PDCD4: variants seen among roughly 807,000 people sequenced by gnomAD.
PDCD4 encodes the protein programmed cell death 4, also known as programmed cell death protein 4.
In PDCD4, 56 loss-of-function variants were observed where a neutral mutation model predicts 54.0. The observed-to-expected ratio is 1.04, with a 90% CI of 0.84 to 1.30. The LOEUF (loss-of-function observed/expected upper bound fraction) is 1.30, where lower values mean the gene tolerates loss of function less well. Among genes scored for constraint, PDCD4 ranks in the 50% most tolerant of loss-of-function variants. The pLI is 0.00. For missense variants in PDCD4, 584 were observed against 559.8 expected, an observed-to-expected ratio of 1.04 and a Z score of -0.44; for synonymous variants, 186 against 194.8, an observed-to-expected ratio of 0.95 and a Z score of 0.37.
intron 5 of PDCD4, among the ~76,000 whole-genome samples, chr10:110,886,320 AAAAT>A (rs1845668930): frequency 6.6e-6 from 1 of 152,182 alleles, no homozygotes; most frequent in Non-Finnish European, 1.5e-5. Context: ...TGGAAAGCAT[AAAAT>A]AGAGAGTAAT....
chr10:110,884,230 C>T (rs933700245), intron 4 of PDCD4, among the ~76,000 whole-genome samples: 4 of 152,172 alleles, frequency 2.6e-5, no homozygotes, highest in African/African-American at 4.8e-5. Context: ...ATACACTACT[C>T]GTGCATTCGT....
chr10:110,876,322 C>T (rs1297641927), intron 2 of PDCD4, among the ~76,000 whole-genome samples: 4 of 152,096 alleles, frequency 2.6e-5, no homozygotes, highest in Admixed American at 1.3e-4. Context: ...TATCTTGAAG[C>T]TTGACTATGT....
At chr10:110,884,634 T>G (rs532443146) in intron 4 of PDCD4, 1 of 152,140 alleles carries the variant, frequency 6.6e-6, no homozygotes, top group East Asian at 1.9e-4. Context: ...ACTAAAAGAT[T>G]GGTTTTGAGA....
intron 1 of PDCD4, among the ~76,000 whole-genome samples, chr10:110,874,188 C>T (rs993700229): frequency 6.6e-6 from 1 of 152,120 alleles, no homozygotes; most frequent in Admixed American, 6.5e-5. Context: ...AATACCTACC[C>T]GAAGGTTTTT....
intron 6 of PDCD4, among the ~76,000 whole-genome samples, chr10:110,888,119 T>G (rs1196651321): frequency 6.6e-6 from 1 of 152,068 alleles, no homozygotes; most frequent in Non-Finnish European, 1.5e-5. Flanking sequence ...TCCCCTATGA[T>G]CTGCATAGTT....
chr10:110,891,711 AT>A (rs1274451605), intron 8 of PDCD4, among the ~76,000 whole-genome samples: 1 of 152,070 alleles, frequency 6.6e-6, no homozygotes, highest in Non-Finnish European at 1.5e-5. Flanking sequence ...AGGAGTTCAA[AT>A]TGTAGTTAGA....
Position 110,896,037 on chromosome 10 carries a change from T to C in PDCD4, c.1299T>C (p.Cys433=), listed in dbSNP as rs747491977. 4.0e-5 allele frequency: 65 copies of C among 1,611,318 alleles called. No homozygotes were observed. Among genetic ancestry groups the C allele is most frequent in the Non-Finnish European group, 5.3e-5 (63 of 1,178,274 alleles). Residue 433 remains cysteine (C), a synonymous_variant, in exon 11 of 12, where the codon TGT becomes TGC. Transcript: ENST00000280154. ...YSVLERFVEE[C]FQAGIISKQL... ...TGCTGGAGCGGTTTGTAGAAGAATG[T>C]TTTCAGGCTGGAATAATTTCCAAAC... is the stretch of plus-strand genomic sequence containing the variant.
intron 8 of PDCD4, 127 bp downstream of exon 8, chr10:110,890,797 G>T (rs1182757264): frequency 4.4e-6 from 2 of 458,746 alleles, no homozygotes; most frequent in East Asian, 3.3e-5. Context: ...ATTGGAAAAT[G>T]AAATAATTTT....
At chr10:110,872,563 G>T (rs1845431530) in intron 1 of PDCD4, among the ~76,000 whole-genome samples, 1 of 152,182 alleles carries the variant, frequency 6.6e-6, no homozygotes, top group South Asian at 2.1e-4. Flanking sequence ...GCCGACCCGG[G>T]CTGGGACTTC....
At chr10:110,896,589 G>T (rs1845836133) in intron 11 of PDCD4, among the ~76,000 whole-genome samples, 1 of 152,070 alleles carries the variant, frequency 6.6e-6, no homozygotes, top group Admixed American at 6.6e-5. Context: ...TGTGGAGGAT[G>T]TTCTCACTGG....
chr10:110,888,278 G>A (rs1845701911), intron 6 of PDCD4, among the ~76,000 whole-genome samples: 1 of 151,720 alleles, frequency 6.6e-6, no homozygotes, highest in Non-Finnish European at 1.5e-5. Flanking sequence ...CTTCCCTTTT[G>A]TAGCTTTGAA....
chr10:110,897,353 C>T (rs964767730), intron 11 of PDCD4, among the ~76,000 whole-genome samples: 4 of 152,204 alleles, frequency 2.6e-5, no homozygotes, highest in Admixed American at 1.3e-4. Context: ...ATGCTTGTGC[C>T]TATTGGCCTG....
intron 3 of PDCD4, among the ~76,000 whole-genome samples, 190 bp downstream of exon 3, chr10:110,881,725 G>GT (rs1293810279): frequency 6.6e-6 from 1 of 152,122 alleles, no homozygotes; most frequent in African/African-American, 2.4e-5. Flanking sequence ...TTAGGTTGAT[G>GT]TTTTTTCTTG....
chr10:110,883,136 T>C, intron 4 of PDCD4, 39 bp downstream of exon 4: 2 of 1,327,504 alleles, frequency 1.5e-6, no homozygotes, highest in South Asian at 1.3e-5. Flanking sequence ...TTAAAATGTT[T>C]ATGAACTTTT....
At chr10:110,890,130 A>G (rs952486525) in intron 7 of PDCD4, among the ~76,000 whole-genome samples, 1 of 152,180 alleles carries the variant, frequency 6.6e-6, no homozygotes, top group Non-Finnish European at 1.5e-5. Context: ...GAGTTATGCT[A>G]TTTGATTTTT....
chr10:110,873,979 A>C (rs998224694), intron 1 of PDCD4, among the ~76,000 whole-genome samples: 2 of 152,246 alleles, frequency 1.3e-5, no homozygotes, highest in Non-Finnish European at 1.5e-5. Context: ...TTTGAACAGC[A>C]GAAGTCTGTT....
chr10:110,898,143 G>C lies in PDCD4; in HGVS notation c.*55G>C. 1 of 777,568 alleles carries C rather than the reference G, an allele frequency of 1.3e-6. No homozygotes were observed. Among genetic ancestry groups the C allele is most frequent in the Non-Finnish European group, 1.8e-6 (1 of 541,130 alleles). 48.2% of individuals were successfully genotyped at this position (777,568 alleles called of 1,614,324 possible). A position where few individuals can be genotyped will look rare whatever the true frequency, so the allele number is the denominator to read the frequency against. ...ATAAAAATATATATCTGAATTGTAAGAGTTGTTAGCACAAGTTTTTTTTTT... is the reference window on the plus strand; with the variant it reads ...ATAAAAATATATATCTGAATTGTAACAGTTGTTAGCACAAGTTTTTTTTTT... On this transcript the variant is annotated 3_prime_UTR_variant, in exon 12 of 12. Coordinates refer to ENST00000280154, the MANE Select transcript of PDCD4 (RefSeq NM_014456.5).
chr10:110,892,398 G>T lies in PDCD4; in HGVS notation c.991-1693G>T, dbSNP rs377430366. Among the ~76,000 whole-genome samples the T allele has an allele frequency of 1.2e-4, 18 of 152,216 alleles. No individual in the cohort carries two copies. The East Asian group carries it at 2.5e-3, about 21-fold the overall frequency. On this transcript the variant is annotated intron_variant, in intron 8 of 11. Transcript: ENST00000280154. ...AAAACTGCCAGTATATGAGTTTGAG[G>T]TTGACATTATTTGGATATTTGCTTA... is the stretch of plus-strand genomic sequence containing the variant.
chr10:110,896,608 T>C (rs1278589213), intron 11 of PDCD4, among the ~76,000 whole-genome samples: 1 of 152,014 alleles, frequency 6.6e-6, no homozygotes, highest in Non-Finnish European at 1.5e-5. Context: ...GGAAAGTGTA[T>C]GTGTGTGGGT....
Sources: gnomAD v4.1 joint callset for allele counts (sites outside exome capture counted in the v4.1 genomes callset) on GRCh38, gnomAD v4.1.1 for gene constraint, MANE v1.5 for transcripts, NCBI Gene and HGNC (gene_info 2026-07-23, HGNC 2026-07-21) for gene names.